NRG2: variants seen among roughly 807,000 people sequenced by gnomAD.
The protein encoded by NRG2 is pro-neuregulin-2, membrane-bound isoform.
Under a neutral mutation model 73.9 loss-of-function variants are expected in NRG2, and 27 were observed. That is an observed-to-expected ratio of 0.37 (90% CI 0.27 to 0.50). The LOEUF is 0.50. NRG2 is among the 20% of genes least tolerant of loss of function. The pLI is 0.96. For missense variants in NRG2, 1,126 were observed against 1,210.1 expected, an observed-to-expected ratio of 0.93 and a Z score of 1.03; for synonymous variants, 532 against 541.0, an observed-to-expected ratio of 0.98 and a Z score of 0.23.
In NRG2 at chr5:139,993,483, G is replaced by A. The variant is rs1005498520; in HGVS notation, c.700+48887C>T. On this transcript the variant is annotated intron_variant, in intron 1 of 9. Coordinates refer to ENST00000361474, the MANE Select transcript of NRG2 (RefSeq NM_004883.3). ...CTTTACATGGGAGCTCGCTAGTATC[G>A]TTAAAGCCTCAACTCAAAATTTCCT... Among the ~76,000 whole-genome samples the A allele has an allele frequency of 1.7e-4, 26 of 152,124 alleles. 1 individual carries two copies. The highest frequency in any genetic ancestry group is 1.6e-3 in the Admixed American group (25 of 15,268).
intron 1 of NRG2, among the ~76,000 whole-genome samples, chr5:139,939,600 G>A (rs1580778683): frequency 6.6e-6 from 1 of 152,190 alleles, no homozygotes; most frequent in East Asian, 1.9e-4. Flanking sequence ...GAGTCAAAAT[G>A]TAGGAAACAA....
intron 1 of NRG2, among the ~76,000 whole-genome samples, chr5:139,944,568 G>A (rs1753661837): frequency 1.3e-5 from 2 of 152,074 alleles, no homozygotes; most frequent in Admixed American, 1.3e-4. Context: ...TTCCATTCAT[G>A]TTGCCATGAA....
At chr5:139,886,850 C>T (rs560515738) in intron 2 of NRG2, among the ~76,000 whole-genome samples, 1 of 152,334 alleles carries the variant, frequency 6.6e-6, no homozygotes, top group African/African-American at 2.4e-5. Flanking sequence ...TTCTCCAACA[C>T]CAATCAAAGT....
intron 1 of NRG2, among the ~76,000 whole-genome samples, chr5:139,962,248 G>A (rs981150645): frequency 6.6e-6 from 1 of 152,178 alleles, no homozygotes; most frequent in Non-Finnish European, 1.5e-5. Flanking sequence ...CAGACACCGA[G>A]TGCCAGAACG....
chr5:140,043,075 C>CA lies in NRG2; in HGVS notation c.-7dup. The CA allele has an allele frequency of 6.4e-7, 1 of 1,570,848 alleles. No homozygotes were observed. The highest frequency in any genetic ancestry group is 1.1e-5 in the South Asian group (1 of 87,676). ...GAGCAGCAAACCTGCCGCATCTGGCCAGGCCATTTGGGGGGCTCCGCCGCT... is the reference window on the plus strand; with the variant it reads ...GAGCAGCAAACCTGCCGCATCTGGCCAAGGCCATTTGGGGGGCTCCGCCGCT... On this transcript the variant is annotated 5_prime_UTR_variant, in exon 1 of 10. Transcript: ENST00000361474. The surrounding 1 kb of genome is among the most constrained non-coding windows in gnomAD (Gnocchi z 6.7).
chr5:139,876,995 T>G (rs1763224342), intron 3 of NRG2, among the ~76,000 whole-genome samples: 1 of 150,704 alleles, frequency 6.6e-6, no homozygotes, highest in Non-Finnish European at 1.5e-5. Flanking sequence ...AGACTCCAGG[T>G]AAGAGACTGG....
At chr5:139,874,921 G>A (rs777475644) in intron 3 of NRG2, among the ~76,000 whole-genome samples, 1 of 152,126 alleles carries the variant, frequency 6.6e-6, no homozygotes, top group Non-Finnish European at 1.5e-5. Context: ...TTCTTAAGCT[G>A]GTCAGGCTCC....
At chr5:139,888,810 CAG>C (rs59966694) in intron 1 of NRG2, among the ~76,000 whole-genome samples, 6,027 of 152,204 alleles carry the variant, frequency 0.04, 277 homozygotes, top group African/African-American at 0.11. Flanking sequence ...TGAAAAAATA[CAG>C]AGGAGTGAAA....
intron 1 of NRG2, among the ~76,000 whole-genome samples, chr5:139,892,070 G>C (rs1185199688): frequency 1.3e-5 from 2 of 152,208 alleles, no homozygotes; most frequent in Non-Finnish European, 2.9e-5. Context: ...TTGCTCACAG[G>C]CAATCCTAGT....
Position 139,976,306 on chromosome 5 carries a change from G to GA in NRG2, c.700+66063dup, listed in dbSNP as rs34310292. Among the ~76,000 whole-genome samples the GA allele has an allele frequency of 3.3e-5, 5 of 152,258 alleles. No individual in the cohort carries two copies. In the East Asian group the frequency reaches 7.7e-4, roughly 23 times the overall value. On this transcript the variant is annotated intron_variant, in intron 1 of 9. Coordinates refer to ENST00000361474, the MANE Select transcript of NRG2 (RefSeq NM_004883.3). ...AAGAATGGGTTTCATTTGTGTTGCA[G>GA]AAAAAAATATTGCTCACAATGCCTT...
rs1760209220 is a variant in NRG2 at position 140,021,373 on chromosome 5, C to T, written c.700+20997G>A. Among the ~76,000 whole-genome samples, 10 of 152,136 alleles carry T rather than the reference C, an allele frequency of 6.6e-5. No individual in the cohort carries two copies. The South Asian group carries it at 2.1e-3, about 32-fold the overall frequency. ...ATTTCAGCAGGTCCAATGAAAAATT[C>T]CATAAGTAATGCCTGACCTCTGAAT... On this transcript the variant is annotated intron_variant, in intron 1 of 9. Transcript: ENST00000361474.
rs1228387067 is a variant in NRG2 at position 139,853,891 on chromosome 5, A to C, written c.1293-864T>G. Among the ~76,000 whole-genome samples the C allele has an allele frequency of 6.6e-6, 1 of 152,204 alleles. No individual in the cohort carries two copies. Among genetic ancestry groups the C allele is most frequent in the African/African-American group, 2.4e-5 (1 of 41,430 alleles). On this transcript the variant is annotated intron_variant, in intron 6 of 9. Transcript: ENST00000361474. The surrounding 1 kb of genome is among the most constrained non-coding windows in gnomAD (Gnocchi z 4.1). ...GGTGACTATAGTCAATAATAATTTA[A>C]TTATACATTTAAAAGAGTATAACTG...
intron 1 of NRG2, among the ~76,000 whole-genome samples, chr5:139,981,279 C>T (rs264348): frequency 0.34 from 51,959 of 152,066 alleles, 9,721 homozygotes; most frequent in African/African-American, 0.5. Context: ...CATCCCCTTC[C>T]TCCAGAGGTG....
At chr5:139,911,251 C>T (rs987899196) in intron 1 of NRG2, among the ~76,000 whole-genome samples, 1 of 152,108 alleles carries the variant, frequency 6.6e-6, no homozygotes, top group Admixed American at 6.5e-5. Flanking sequence ...TGGGTAAGTA[C>T]TTTTCTCTCT....
At chr5:139,902,596 CTGAAGCCCACCGAG>C (rs1291743758) in intron 1 of NRG2, among the ~76,000 whole-genome samples, 1 of 152,172 alleles carries the variant, frequency 6.6e-6, no homozygotes, top group African/African-American at 2.4e-5. Context: ...TTCCCACCAG[CTGAAGCCCACCGAG>C]TGCTTGCTAC....
chr5:139,947,191 T>C (rs1330950783), intron 1 of NRG2, among the ~76,000 whole-genome samples: 1 of 152,168 alleles, frequency 6.6e-6, no homozygotes, highest in Non-Finnish European at 1.5e-5. Context: ...ACAATCAATT[T>C]TAGAACATTT....
rs1419616495 is a variant in NRG2, at chr5:140,002,701, A to T, written c.700+39669T>A. Among the ~76,000 whole-genome samples the T allele has an allele frequency of 2.6e-5, 4 of 152,232 alleles. No individual in the cohort carries two copies. The East Asian group carries it at 7.7e-4, about 29-fold the overall frequency. On this transcript the variant is annotated intron_variant, in intron 1 of 9. Transcript: ENST00000361474. ...AGAAAGAAAGCTCTCTGAGGTTTAC[A>T]GCAGGAGAATCACACGAGTTTTTTT...
At position 139,894,685 on chromosome 5, in the gene NRG2, C is replaced by A. The variant is rs999490928; in HGVS notation, c.701-7174G>T. On this transcript the variant is annotated intron_variant, in intron 1 of 9. Transcript: ENST00000361474. The surrounding 1 kb of genome is among the most constrained non-coding windows in gnomAD (Gnocchi z 5.0). ...CTGGGCTTGCTTTGCCCTCTTCTTA[C>A]ATCCATCCAACAAATACCCACATGC... Among the ~76,000 whole-genome samples, 6 of 152,164 alleles carry A rather than the reference C, an allele frequency of 3.9e-5. No individual in the cohort carries two copies. The highest frequency in any genetic ancestry group is 2.0e-4 in the Admixed American group (3 of 15,280).
At chr5:139,943,292 G>A (rs192224888) in intron 1 of NRG2, among the ~76,000 whole-genome samples, 142 of 152,004 alleles carry the variant, frequency 9.3e-4, no homozygotes, top group African/African-American at 3.1e-3. Flanking sequence ...GATTACAGGC[G>A]CGTACCACCA....
Sources: gnomAD v4.1 joint callset for allele counts (sites outside exome capture counted in the v4.1 genomes callset) on GRCh38, gnomAD v4.1.1 for gene constraint, Gnocchi (gnomAD v3.1) non-coding constraint, MANE v1.5 for transcripts, NCBI Gene and HGNC (gene_info 2026-07-23, HGNC 2026-07-21) for gene names.